Variants in COL5A2 observed in about 807,000 individuals in gnomAD.
COL5A2 encodes collagen alpha-2(V) chain.
COL5A2 carries 23 observed loss-of-function variants against 208.2 expected under a neutral mutation model. That is an observed-to-expected ratio of 0.11 (90% CI 0.08 to 0.16). The LOEUF is 0.16. Ranked by LOEUF, COL5A2 falls within the 10% of genes least tolerant of loss-of-function variation. The pLI, the probability that COL5A2 is intolerant of heterozygous loss-of-function variation, is 1.00. For synonymous variants in COL5A2, 625 were observed against 628.5 expected, an observed-to-expected ratio of 0.99 and a Z score of 0.08; for missense variants, 1,590 against 1,956.4, an observed-to-expected ratio of 0.81 and a Z score of 3.53.
At chr2:189,363,181 T>A in the COL5A2 span, among the ~76,000 whole-genome samples, 1 of 152,144 alleles carries the variant, frequency 6.6e-6, no homozygotes, top group African/African-American at 2.4e-5. Context: ...CTGCATTGTG[T>A]AGGAACTTCA....
intron 35 of COL5A2, 131 bp from the exon 36 acceptor site, chr2:189,054,343 T>C: frequency 1.5e-6 from 1 of 678,168 alleles, no homozygotes; most frequent in Non-Finnish European, 2.6e-6. Context: ...TCATTATCTA[T>C]AATAAATGAT....
chr2:189,190,051 G>C (rs72910365), intron 1 of COL5A2, among the ~76,000 whole-genome samples: 1 of 152,096 alleles, frequency 6.6e-6, no homozygotes, highest in African/African-American at 2.4e-5. Flanking sequence ...ACATAAATCT[G>C]AGTCCTTCTT....
chr2:189,407,781 C>T, the COL5A2 span, among the ~76,000 whole-genome samples: 2 of 152,240 alleles, frequency 1.3e-5, no homozygotes, highest in Non-Finnish European at 2.9e-5. Flanking sequence ...TCTTTACTAG[C>T]TCTGTTGTAC....
the COL5A2 span, among the ~76,000 whole-genome samples, chr2:189,401,679 C>A: frequency 7.2e-5 from 11 of 152,214 alleles, no homozygotes; most frequent in Non-Finnish European, 1.6e-4. Context: ...ACACTCCCAC[C>A]AACAATGTAA....
chr2:189,194,377 A>G (rs1245101577), intron 1 of COL5A2, among the ~76,000 whole-genome samples: 1 of 152,236 alleles, frequency 6.6e-6, no homozygotes, highest in Non-Finnish European at 1.5e-5. Flanking sequence ...ACCCTAATAT[A>G]ATCATTGTTA....
At chr2:189,045,941 A>G in intron 45 of COL5A2, 34 bp from the exon 46 acceptor site, 4 of 1,564,312 alleles carry the variant, frequency 2.6e-6, no homozygotes, top group Non-Finnish European at 3.5e-6. Flanking sequence ...ATTTTTTAAC[A>G]TTTATTCTAA....
At chr2:189,251,667 A>G in the COL5A2 span, among the ~76,000 whole-genome samples, 2 of 151,886 alleles carry the variant, frequency 1.3e-5, no homozygotes, top group Non-Finnish European at 2.9e-5. Flanking sequence ...TAAAAAAAAA[A>G]AAACATTTTA....
intron 43 of COL5A2, 69 bp downstream of exon 43, chr2:189,050,495 AAAAAT>A: frequency 7.8e-7 from 1 of 1,277,276 alleles, no homozygotes; most frequent in African/African-American, 1.5e-5. Context: ...ATCAAGCAAA[AAAAAT>A]AAAATCAATT....
the COL5A2 span, among the ~76,000 whole-genome samples, chr2:189,246,864 A>T: frequency 6.6e-6 from 1 of 152,174 alleles, no homozygotes; most frequent in African/African-American, 2.4e-5. Context: ...AAGCCATAAG[A>T]CTCAGCCCTC....
the COL5A2 span, among the ~76,000 whole-genome samples, chr2:189,437,351 G>A: frequency 6.6e-6 from 1 of 152,300 alleles, no homozygotes; most frequent in East Asian, 1.9e-4. Context: ...TTGTTAGAAT[G>A]CAGATTCTGA....
chr2:189,430,767 A>T, the COL5A2 span, among the ~76,000 whole-genome samples: 2 of 152,348 alleles, frequency 1.3e-5, no homozygotes, highest in Middle Eastern at 6.8e-3. Context: ...GGCATAGCTG[A>T]ACAAAAGGCA....
chr2:189,258,262 G>C, the COL5A2 span, among the ~76,000 whole-genome samples: 2 of 152,188 alleles, frequency 1.3e-5, no homozygotes, highest in Non-Finnish European at 2.9e-5. Flanking sequence ...GCAAAAGTAT[G>C]AGTCCAGATA....
chr2:189,318,459 G>T, the COL5A2 span, among the ~76,000 whole-genome samples: 1,280 of 152,066 alleles, frequency 8.4e-3, 17 homozygotes, highest in African/African-American at 0.029. Context: ...TAGTTATTTG[G>T]TTCAAAATTT....
chr2:189,329,703 C>A, the COL5A2 span, among the ~76,000 whole-genome samples: 1 of 152,058 alleles, frequency 6.6e-6, no homozygotes, highest in Non-Finnish European at 1.5e-5. Context: ...GCTCTCAAAA[C>A]CTCAATTCAG....
At chr2:189,381,727 GA>G in the COL5A2 span, among the ~76,000 whole-genome samples, 136 of 151,992 alleles carry the variant, frequency 8.9e-4, 1 homozygote, top group African/African-American at 3.2e-3. Flanking sequence ...AATTTTAGAA[GA>G]AAAATTAAAT....
intron 1 of COL5A2, among the ~76,000 whole-genome samples, chr2:189,151,530 G>T (rs1356982062): frequency 6.6e-6 from 1 of 152,034 alleles, no homozygotes; most frequent in Admixed American, 6.6e-5. Context: ...CTAGATAACT[G>T]GCAAATCAAA....
chr2:189,415,294 C>T, the COL5A2 span, among the ~76,000 whole-genome samples: 3 of 152,008 alleles, frequency 2.0e-5, no homozygotes, highest in Admixed American at 2.0e-4. Flanking sequence ...TTTAATTTTG[C>T]TTTCCTCAAT....
At chr2:189,060,869 TG>T in intron 30 of COL5A2, 86 bp from the exon 31 acceptor site, 1 of 910,596 alleles carries the variant, frequency 1.1e-6, no homozygotes, top group South Asian at 1.3e-5. Flanking sequence ...TTACAATTCA[TG>T]GGGTCTCCAA....
chr2:189,341,301 T>G, the COL5A2 span, among the ~76,000 whole-genome samples: 1 of 152,154 alleles, frequency 6.6e-6, no homozygotes, highest in African/African-American at 2.4e-5. Flanking sequence ...TGTCTAGTAG[T>G]TGCCACCTGC....
Sources: gnomAD v4.1 joint callset for allele counts (sites outside exome capture counted in the v4.1 genomes callset) on GRCh38, gnomAD v4.1.1 for gene constraint, MANE v1.5 for transcripts, NCBI Gene and HGNC (gene_info 2026-07-23, HGNC 2026-07-21) for gene names.